Variants in CELSR1 observed in about 807,000 individuals in gnomAD.
CELSR1 encodes the protein cadherin EGF LAG seven-pass G-type receptor 1, also known as adhesion G protein-coupled receptor C1.
Under a neutral mutation model 249.1 loss-of-function variants are expected in CELSR1, and 110 were observed. The ratio of observed to expected loss-of-function variants is 0.44; its 90% CI spans 0.38 to 0.52. CELSR1 has a LOEUF of 0.52. CELSR1 is among the 20% of genes least tolerant of loss of function. CELSR1 has a pLI of 0.00. For synonymous variants in CELSR1, 2,113 were observed against 1,900.0 expected, an observed-to-expected ratio of 1.11 and a Z score of -2.92; for missense variants, 4,109 against 4,296.4, an observed-to-expected ratio of 0.96 and a Z score of 1.22.
intron 2 of CELSR1, among the ~76,000 whole-genome samples, chr22:46,443,524 T>C (rs2079779722): frequency 6.6e-6 from 1 of 152,244 alleles, no homozygotes; most frequent in Admixed American, 6.5e-5. Context: ...CCACCACAGA[T>C]GCTGCACCCC....
Position 46,363,219 on chromosome 22 carries a change from T to C in CELSR1, c.*4A>G, listed in dbSNP as rs529999920. 9.5e-6 allele frequency: 15 copies of C among 1,584,294 alleles called. No homozygotes were observed. The East Asian group carries it at 2.5e-4, about 26-fold the overall frequency. On this transcript the variant is annotated 3_prime_UTR_variant, in exon 35 of 35. Transcript: ENST00000674500. The surrounding 1 kb of genome is among the most constrained non-coding windows in gnomAD (Gnocchi z 4.3). ...GTTCAAATTGAAGTTTCATTACTGATGGTTCAAATTGAAGTTTCATTACTG... is the reference window on the plus strand; with the variant it reads ...GTTCAAATTGAAGTTTCATTACTGACGGTTCAAATTGAAGTTTCATTACTG...
Position 46,363,904 on chromosome 22 carries a change from G to A in CELSR1, c.9035+92C>T. ...GCACTCAGGGCTCCAGGTGAGGTGGGTGTCAGGTCCCTGACCACTGCCCCC... is the reference window on the plus strand; with the variant it reads ...GCACTCAGGGCTCCAGGTGAGGTGGATGTCAGGTCCCTGACCACTGCCCCC... On this transcript the variant is annotated intron_variant, in intron 34 of 34. Coordinates refer to ENST00000674500, the MANE Select transcript of CELSR1 (RefSeq NM_001378328.1). This position sits in a 1 kb window ranked among gnomAD's most constrained non-coding sequence, Gnocchi z 4.3. 2 of 1,420,322 alleles carry A rather than the reference G, an allele frequency of 1.4e-6. No homozygotes were observed. Among genetic ancestry groups the A allele is most frequent in the Non-Finnish European group, 1.9e-6 (2 of 1,080,318 alleles). 88.0% of individuals were successfully genotyped at this position (1,420,322 alleles called of 1,614,324 possible).
At position 46,395,687 on chromosome 22, in the gene CELSR1, C is replaced by T. The variant is rs1047495461; in HGVS notation, c.5843+918G>A. ...GCTCTAGGCTCGGGAGGACAAAGAA[C>T]GGAGCATAGCAGGTGTCCCTGCACC... is the stretch of plus-strand genomic sequence containing the variant. On this transcript the variant is annotated intron_variant, in intron 13 of 34. Transcript: ENST00000674500. The surrounding 1 kb of genome is among the most constrained non-coding windows in gnomAD (Gnocchi z 5.5). 2.0e-5 allele frequency among the ~76,000 whole-genome samples: 3 copies of T among 152,176 alleles called. No homozygotes were observed. Among genetic ancestry groups the T allele is most frequent in the Admixed American group, 2.0e-4 (3 of 15,280 alleles).
Position 46,518,309 on chromosome 22 carries a change from G to A in CELSR1, c.3544+15318C>T, listed in dbSNP as rs1255138342. Among the ~76,000 whole-genome samples the A allele has an allele frequency of 6.6e-6, 1 of 152,196 alleles. No individual in the cohort carries two copies. Among genetic ancestry groups the A allele is most frequent in the Non-Finnish European group, 1.5e-5 (1 of 68,036 alleles). On this transcript the variant is annotated intron_variant, in intron 1 of 34. Transcript: ENST00000674500. This position sits in a 1 kb window ranked among gnomAD's most constrained non-coding sequence, Gnocchi z 5.2. Reference sequence around the variant, plus strand: ...CCTTACTGAGGAGTCAGAGCCTGTGGGGGCACCATCAGCAGGGGCGCTCAG... The same window carrying A: ...CCTTACTGAGGAGTCAGAGCCTGTGAGGGCACCATCAGCAGGGGCGCTCAG...
chr22:46,427,811 A>G lies in CELSR1; in HGVS notation c.4611+5582T>C, dbSNP rs1347745102. On this transcript the variant is annotated intron_variant, in intron 5 of 34. Coordinates refer to ENST00000674500, the MANE Select transcript of CELSR1 (RefSeq NM_001378328.1). The surrounding 1 kb of genome is among the most constrained non-coding windows in gnomAD (Gnocchi z 4.2). ...TACGTGGCCTCACCCAGGGGACCAC[A>G]CAACTGTCTAACCACGGCAGATCTG... is the stretch of plus-strand genomic sequence containing the variant. Among the ~76,000 whole-genome samples the G allele has an allele frequency of 6.6e-6, 1 of 152,210 alleles. No homozygotes were observed. Among genetic ancestry groups the G allele is most frequent in the African/African-American group, 2.4e-5 (1 of 41,454 alleles).
chr22:46,455,226 A>C (rs768262741), intron 2 of CELSR1, among the ~76,000 whole-genome samples: 25 of 151,970 alleles, frequency 1.6e-4, no homozygotes, highest in Non-Finnish European at 3.1e-4. Flanking sequence ...AAGACAAGAG[A>C]CTTTTTTCTC....
chr22:46,377,485 G>A (rs1409177930), intron 23 of CELSR1: 5 of 572,710 alleles, frequency 8.7e-6, no homozygotes, highest in Non-Finnish European at 1.2e-5. Context: ...GCCTGCGGCA[G>A]CACGCCAGGC....
rs2079306126 is a variant in CELSR1 at position 46,409,486 on chromosome 22, GGCTGGGGT to G, written c.5059+261_5059+268del. Among the ~76,000 whole-genome samples the G allele has an allele frequency of 6.6e-6, 1 of 152,284 alleles. No homozygotes were observed. The highest frequency in any genetic ancestry group is 2.4e-5 in the African/African-American group (1 of 41,566). ...CGGGTTCAGGATCCCTGGGCTCCGT[GGCTGGGGT>G]GCTGGGGCTGGGCTCTGCCGGCCCA... On this transcript the variant is annotated intron_variant, in intron 8 of 34. Coordinates refer to ENST00000674500, the MANE Select transcript of CELSR1 (RefSeq NM_001378328.1). This position sits in a 1 kb window ranked among gnomAD's most constrained non-coding sequence, Gnocchi z 9.8.
chr22:46,399,894 G>C lies in CELSR1; in HGVS notation c.5235C>G (p.Asn1745Lys), dbSNP rs1448262640. ...GPTSFRLQIL[N>K]NYLQFEVSHG... ...GGGACACCTCAAACTGGAGGTAGTT[G>C]TTCAGGATCTGGAGCAGGGAGAGCC... is the stretch of plus-strand genomic sequence containing the variant. The change falls in exon 10 of 35, where the codon AAC becomes AAG. Residue 1745 changes from asparagine (N) to lysine (K), a missense_variant. Transcript: ENST00000674500. This position sits in a 1 kb window ranked among gnomAD's most constrained non-coding sequence, Gnocchi z 5.0. The C allele has an allele frequency of 6.2e-7, 1 of 1,614,064 alleles. No homozygotes were observed. Among genetic ancestry groups the C allele is most frequent in the Admixed American group, 1.7e-5 (1 of 60,016 alleles).
intron 27 of CELSR1, 27 bp from the exon 28 acceptor site, chr22:46,367,882 G>T: frequency 6.3e-7 from 1 of 1,596,280 alleles, no homozygotes; most frequent in Non-Finnish European, 8.5e-7. Flanking sequence ...TCAGGCCTGT[G>T]CCCATCGCCA....
rs2079089902 is a variant in CELSR1 at position 46,391,425 on chromosome 22, C to T, written c.6149-138G>A. On this transcript the variant is annotated intron_variant, in intron 15 of 34. Coordinates refer to ENST00000674500, the MANE Select transcript of CELSR1 (RefSeq NM_001378328.1). This position sits in a 1 kb window ranked among gnomAD's most constrained non-coding sequence, Gnocchi z 4.3. ...ACCGAACCCTAGCATCTCCCCTGCC[C>T]CCATCCATGTCAGAGCTGGAGAGGG... 3.3e-6 allele frequency: 3 copies of T among 908,484 alleles called. No individual in the cohort carries two copies. Among genetic ancestry groups the T allele is most frequent in the Admixed American group, 2.7e-5 (1 of 37,012 alleles). 56.3% of individuals were successfully genotyped at this position (908,484 alleles called of 1,614,324 possible). A position where few individuals can be genotyped will look rare whatever the true frequency, so the allele number is the denominator to read the frequency against.
At chr22:46,478,585 C>A (rs1176760300) in intron 1 of CELSR1, among the ~76,000 whole-genome samples, 1 of 151,810 alleles carries the variant, frequency 6.6e-6, no homozygotes. Context: ...CACTGTCGCC[C>A]AGTCTAAAGT....
Position 46,430,792 on chromosome 22 carries a change from C to G in CELSR1, c.4611+2601G>C, listed in dbSNP as rs908581100. Among the ~76,000 whole-genome samples the G allele has an allele frequency of 5.9e-5, 9 of 152,082 alleles. No homozygotes were observed. The East Asian group carries it at 1.7e-3, about 29-fold the overall frequency. On this transcript the variant is annotated intron_variant, in intron 5 of 34. Coordinates refer to ENST00000674500, the MANE Select transcript of CELSR1 (RefSeq NM_001378328.1). The surrounding 1 kb of genome is among the most constrained non-coding windows in gnomAD (Gnocchi z 4.6). ...ACTGCTCCCAACCTGACTGGTCCTG[C>G]CCCCAGCTCAGGTGCACTCCAGAGG...
rs2079343449 is a variant in CELSR1, at chr22:46,412,054, T to TCCAAGAG, written c.4612-296_4612-295insCTCTTGG. ...GGAGTAGGCGGGCCCTGATCCAAGA[T>TCCAAGAG]GACTGGTGTCCTCTTAAGAGGACAG... On this transcript the variant is annotated intron_variant, in intron 5 of 34. Transcript: ENST00000674500. The surrounding 1 kb of genome is among the most constrained non-coding windows in gnomAD (Gnocchi z 4.5). Among the ~76,000 whole-genome samples, 1 of 151,948 alleles carries TCCAAGAG rather than the reference T, an allele frequency of 6.6e-6. No individual in the cohort carries two copies. Among genetic ancestry groups the TCCAAGAG allele is most frequent in the East Asian group, 1.9e-4 (1 of 5,166 alleles).
At chr22:46,505,005 G>A (rs1425789461) in intron 1 of CELSR1, among the ~76,000 whole-genome samples, 7 of 152,228 alleles carry the variant, frequency 4.6e-5, no homozygotes, top group Admixed American at 3.9e-4. Flanking sequence ...GCTCACGCCT[G>A]TAATCCCAGC....
At chr22:46,370,655 C>T (rs1357730108) in intron 25 of CELSR1, among the ~76,000 whole-genome samples, 2 of 152,156 alleles carry the variant, frequency 1.3e-5, no homozygotes, top group African/African-American at 4.8e-5. Context: ...ATGCTCCTCC[C>T]CACTCTCCTT....
chr22:46,367,505 G>A (rs577132858), intron 28 of CELSR1, among the ~76,000 whole-genome samples: 1 of 152,336 alleles, frequency 6.6e-6, no homozygotes, highest in East Asian at 1.9e-4. Context: ...GTGGACTTGT[G>A]CTGGCCTGGC....
At chr22:46,375,306 C>CA (rs2078906856) in intron 24 of CELSR1, among the ~76,000 whole-genome samples, 3 of 152,144 alleles carry the variant, frequency 2.0e-5, no homozygotes, top group Non-Finnish European at 4.4e-5. Flanking sequence ...CCCATCTCAC[C>CA]CAGACCCTGC....
At chr22:46,505,157 G>C (rs1266280075) in intron 1 of CELSR1, among the ~76,000 whole-genome samples, 1 of 150,878 alleles carries the variant, frequency 6.6e-6, no homozygotes, top group African/African-American at 2.4e-5. Flanking sequence ...AGCTACTCGG[G>C]AGGCTGAGGC....
Sources: gnomAD v4.1 joint callset for allele counts (sites outside exome capture counted in the v4.1 genomes callset) on GRCh38, gnomAD v4.1.1 for gene constraint, Gnocchi (gnomAD v3.1) non-coding constraint, MANE v1.5 for transcripts, NCBI Gene and HGNC (gene_info 2026-07-23, HGNC 2026-07-21) for gene names.